SGO2: variants seen among roughly 807,000 people sequenced by gnomAD.
The protein encoded by SGO2 is shugoshin 2.
A neutral mutation model predicts 99.5 loss-of-function variants in SGO2; 68 were observed. The observed-to-expected ratio is 0.68, with a 90% CI of 0.56 to 0.84. The LOEUF is 0.84. Among genes scored for constraint, SGO2 ranks in the 40% least tolerant of loss-of-function variants. SGO2 has a pLI of 0.00. For missense variants in SGO2, 1,350 were observed against 1,436.7 expected (o/e 0.94, Z 0.97); for synonymous variants, 457 against 487.1 (o/e 0.94, Z 0.81).
chr2:200,564,854 G>A (rs1462839026), intron 5 of SGO2, among the ~76,000 whole-genome samples: 12 of 152,202 alleles, frequency 7.9e-5, no homozygotes, highest in Admixed American at 7.2e-4. Flanking sequence ...TTGGTTTAAA[G>A]TCTGTTTTAT....
Position 200,580,531 on chromosome 2 carries a change from A to G in SGO2, c.3783-2918A>G, listed in dbSNP as rs757461252. 9.3e-6 allele frequency: 4 copies of G among 431,822 alleles called. No individual in the cohort carries two copies. In the Admixed American group the frequency reaches 1.1e-4, roughly 11 times the overall value. The allele number at this position is 431,822 out of a possible 1,614,324, so 26.7% of individuals were successfully genotyped here. On this transcript the variant is annotated intron_variant, in intron 8 of 8. Coordinates refer to ENST00000357799, the MANE Select transcript of SGO2 (RefSeq NM_152524.6). Reference sequence around the variant, plus strand: ...TTATTGTTTTTATTCTTTCATTTATATAGATAACAGTGTTTTATGGACAGG... The same window carrying G: ...TTATTGTTTTTATTCTTTCATTTATGTAGATAACAGTGTTTTATGGACAGG...
chr2:200,540,195 T>C (rs1409072111), intron 4 of SGO2, among the ~76,000 whole-genome samples: 1 of 152,242 alleles, frequency 6.6e-6, no homozygotes, highest in African/African-American at 2.4e-5. Flanking sequence ...ATTTGTGTCA[T>C]CTCAGTGATG....
chr2:200,534,912 A>AT, intron 2 of SGO2, 84 bp from the exon 3 acceptor site: 1 of 909,680 alleles, frequency 1.1e-6, no homozygotes, highest in Admixed American at 4.0e-5. Context: ...TGTGAAATGC[A>AT]TTTTGTCTAT....
chr2:200,566,046 T>TC (rs1219722331), intron 5 of SGO2, among the ~76,000 whole-genome samples: 14 of 152,310 alleles, frequency 9.2e-5, no homozygotes, highest in African/African-American at 3.4e-4. Flanking sequence ...TTATTACAGA[T>TC]CGTCTAAAAC....
At chr2:200,532,279 T>TTG (rs2031436726) in intron 1 of SGO2, 2 of 401,756 alleles carry the variant, frequency 5.0e-6, no homozygotes, top group African/African-American at 5.0e-5. Context: ...TTTGTTTTTT[T>TTG]TTTTGTTTTT....
At chr2:200,554,621 T>C (rs1240929024) in intron 5 of SGO2, among the ~76,000 whole-genome samples, 1 of 152,202 alleles carries the variant, frequency 6.6e-6, no homozygotes, top group Non-Finnish European at 1.5e-5. Context: ...ATAACAGTTA[T>C]AATGATTAAT....
chr2:200,533,115 G>T lies in SGO2; in HGVS notation c.133+7G>T, dbSNP rs1273542957. The stretch of plus-strand genomic sequence containing the variant: ...ATAAAAACAAAAATACTAAGTAAGT[G>T]CCATCAGTTTTAAAATACACTCACG... On this transcript the variant is annotated splice_region_variant and intron_variant, in intron 2 of 8. Transcript: ENST00000357799. 3 of 1,567,092 alleles carry T rather than the reference G, an allele frequency of 1.9e-6. No individual in the cohort carries two copies. The highest frequency in any genetic ancestry group is 2.6e-6 in the Non-Finnish European group (3 of 1,163,172).
chr2:200,570,494 G>GTGTGTGTGTC lies in SGO2; in HGVS notation c.704-547_704-546insCTGTGTGTGT, dbSNP rs1455249924. Among the ~76,000 whole-genome samples, 52 of 150,618 alleles carry GTGTGTGTGTC rather than the reference G, an allele frequency of 3.5e-4. No individual in the cohort carries two copies. Among genetic ancestry groups the GTGTGTGTGTC allele is most frequent in the African/African-American group, 1.2e-3 (50 of 41,056 alleles). ...TTTCTGAAAATGTGTGTGTGTGTGTGTGTGTGTGTGTGTGTGGGCATATGT... is the reference window on the plus strand; with the variant it reads ...TTTCTGAAAATGTGTGTGTGTGTGTGTGTGTGTGTCTGTGTGTGTGTGTGTGGGCATATGT... On this transcript the variant is annotated intron_variant, in intron 6 of 8. Coordinates refer to ENST00000357799, the MANE Select transcript of SGO2 (RefSeq NM_152524.6). The surrounding 1 kb of genome is among the most constrained non-coding windows in gnomAD (Gnocchi z 4.4).
intron 8 of SGO2, chr2:200,580,596 C>T (rs549603843): frequency 4.1e-4 from 135 of 333,006 alleles, no homozygotes; most frequent in African/African-American, 3.0e-3. Context: ...CTTTGGGTGG[C>T]TGAGGTGAGA....
At position 200,583,935 on chromosome 2, in the gene SGO2, T is replaced by C. The variant is rs2033914628; in HGVS notation, c.*471T>C. On this transcript the variant is annotated 3_prime_UTR_variant, in exon 9 of 9. Transcript: ENST00000357799. The stretch of plus-strand genomic sequence containing the variant: ...TCATTCTTCTGTTTTCAGAAATACA[T>C]GTTGAATGTCAGCTTCTGTATTATT... 6.6e-6 allele frequency among the ~76,000 whole-genome samples: 1 copy of C among 152,230 alleles called. No homozygotes were observed.
At chr2:200,575,642 G>A (rs1042693692) in intron 8 of SGO2, among the ~76,000 whole-genome samples, 181 bp downstream of exon 8, 7 of 152,092 alleles carry the variant, frequency 4.6e-5, no homozygotes, top group Admixed American at 3.9e-4. Flanking sequence ...GGCTATTTTT[G>A]GGGGGTTGGA....
chr2:200,566,857 G>T lies in SGO2; in HGVS notation c.474-2806G>T, dbSNP rs375896855. Among the ~76,000 whole-genome samples the T allele has an allele frequency of 9.7e-4, 148 of 152,322 alleles. 1 individual carries two copies. The highest frequency in any genetic ancestry group is 3.5e-3 in the African/African-American group (145 of 41,576). Reference sequence around the variant, plus strand: ...CAAGAGCGAGGCTCCGTGGGCGTGGGACCCTCTGAGCCAGGCGCCGGATAT... The same window carrying T: ...CAAGAGCGAGGCTCCGTGGGCGTGGTACCCTCTGAGCCAGGCGCCGGATAT... On this transcript the variant is annotated intron_variant, in intron 5 of 8. Coordinates refer to ENST00000357799, the MANE Select transcript of SGO2 (RefSeq NM_152524.6).
chr2:200,572,003 A>C lies in SGO2; in HGVS notation c.1657A>C (p.Lys553Gln). 2 of 1,611,432 alleles carry C rather than the reference A, an allele frequency of 1.2e-6. No individual in the cohort carries two copies. The highest frequency in any genetic ancestry group is 2.2e-5 in the South Asian group (2 of 90,086). ...LEKDNLLPNQ[K>Q]DKVTIYENLD... The stretch of plus-strand genomic sequence containing the variant: ...AAAAGATAACTTACTCCCAAACCAA[A>C]AGGATAAAGTAACCATTTATGAAAA... The change falls in exon 7 of 9, where the codon AAG becomes CAG. Residue 553 changes from lysine to glutamine, a missense_variant. Coordinates refer to ENST00000357799, the MANE Select transcript of SGO2 (RefSeq NM_152524.6).
At position 200,536,087 on chromosome 2, in the gene SGO2, A is replaced by C; in HGVS notation, c.332A>C (p.Glu111Ala). 6.3e-7 allele frequency: 1 copy of C among 1,591,626 alleles called. No individual in the cohort carries two copies. Among genetic ancestry groups the C allele is most frequent in the Non-Finnish European group, 8.6e-7 (1 of 1,165,242 alleles). Residue 111 changes from glutamate (E) to alanine (A), a missense_variant, in exon 4 of 9, where the codon GAA (glutamate) becomes GCA (alanine). Physicochemically the swap from Glu to Ala is moderately radical, Grantham distance 107. Transcript: ENST00000357799. The stretch of plus-strand genomic sequence containing the variant: ...CAGAATAAGAAGCTTATAGACATAG[A>C]AGCTCTCATGAACAATAACTTGATA... ...NNLNKKLIDI[E>A]ALMNNNLITA...
At chr2:200,583,302 T>G in intron 8 of SGO2, 147 bp from the exon 9 acceptor site, 1 of 505,132 alleles carries the variant, frequency 2.0e-6, no homozygotes, top group Non-Finnish European at 3.4e-6. Context: ...TTAAGAAAAA[T>G]TAGAGTATTT....
In SGO2 at chr2:200,575,454, C is replaced by A; in HGVS notation, c.3775C>A (p.Leu1259Ile). Residue 1259 changes from leucine to isoleucine, a missense_variant, in exon 8 of 9, where the codon CTC becomes ATC. Leu to Ile is a conservative substitution (Grantham distance 5). Transcript: ENST00000357799. The part of the protein sequence containing the change: ...CTPFYFKEPS[L>I]RDKMRR ...TCCTTTCTATTTTAAAGAGCCAAGC[C>A]TCAGAGAGTAAGTATTTCAAATGAT... The A allele has an allele frequency of 6.3e-7, 1 of 1,575,460 alleles. No individual in the cohort carries two copies. The highest frequency in any genetic ancestry group is 8.6e-7 in the Non-Finnish European group (1 of 1,157,868).
chr2:200,548,606 A>G (rs2032338097), intron 5 of SGO2, among the ~76,000 whole-genome samples: 1 of 152,214 alleles, frequency 6.6e-6, no homozygotes, highest in African/African-American at 2.4e-5. Context: ...AGAAATAATA[A>G]CGATCAGAGC....
Position 200,533,517 on chromosome 2 carries a change from ATATG to A in SGO2, c.133+411_133+414del, listed in dbSNP as rs1402215550. The stretch of plus-strand genomic sequence containing the variant: ...ATATACGTGTGTATATATATAATGT[ATATG>A]TGTGTGTGTGTGTGTGTGTGTGTGT... On this transcript the variant is annotated intron_variant, in intron 2 of 8. Transcript: ENST00000357799. 2.3e-3 allele frequency: 148 copies of A among 65,482 alleles called. 5 individuals are homozygous for A. Among genetic ancestry groups the A allele is most frequent in the South Asian group, 5.1e-3 (13 of 2,534 alleles). 4.1% of individuals were successfully genotyped at this position (65,482 alleles called of 1,614,324 possible).
chr2:200,560,483 A>G (rs955013768), intron 5 of SGO2, among the ~76,000 whole-genome samples: 1 of 151,916 alleles, frequency 6.6e-6, no homozygotes, highest in African/African-American at 2.4e-5. Context: ...AGTTTTTATA[A>G]TGATTTGTAT....
Sources: allele counts gnomAD v4.1 joint callset (sites outside exome capture counted in the v4.1 genomes callset), GRCh38; gene constraint gnomAD v4.1.1; non-coding constraint Gnocchi (gnomAD v3.1); transcripts MANE v1.5; gene names NCBI Gene and HGNC (gene_info 2026-07-23, HGNC 2026-07-21).